NDUFV3: variants seen among roughly 807,000 people sequenced by gnomAD.
NDUFV3 encodes NADH dehydrogenase [ubiquinone] flavoprotein 3, mitochondrial.
A neutral mutation model predicts 37.5 loss-of-function variants in NDUFV3; 44 were observed. That is an observed-to-expected ratio of 1.17 (90% CI 0.92 to 1.51). The LOEUF (loss-of-function observed/expected upper bound fraction) is 1.51, where lower values mean the gene tolerates loss of function less well. Ranked by LOEUF, NDUFV3 falls within the 40% of genes most tolerant of loss-of-function variation. NDUFV3 has a pLI of 0.00. For synonymous variants in NDUFV3, 235 were observed against 239.3 expected, an observed-to-expected ratio of 0.98 and a Z score of 0.17; for missense variants, 580 against 580.4, an observed-to-expected ratio of 1.00 and a Z score of 0.01.
At chr21:42,896,901 TC>T (rs2058693998) in intron 1 of NDUFV3, 25 bp from the exon 2 acceptor site, 1 of 1,603,530 alleles carries the variant, frequency 6.2e-7, no homozygotes, top group Admixed American at 1.7e-5. Context: ...ACTCTAAACA[TC>T]CATATTCATT....
At chr21:42,899,331 G>A (rs899649727) in intron 2 of NDUFV3, among the ~76,000 whole-genome samples, 10 of 93,072 alleles carry the variant, frequency 1.1e-4, no homozygotes, top group Non-Finnish European at 1.7e-4. Context: ...GTGCAATGGC[G>A]TGATCTCAGC....
At chr21:42,893,470 G>A in intron 1 of NDUFV3, 89 bp downstream of exon 1, 1 of 1,442,020 alleles carries the variant, frequency 6.9e-7, no homozygotes, top group Non-Finnish European at 9.4e-7. Context: ...TCAGGTCCGG[G>A]CCTGTCCGCG....
intron 3 of NDUFV3, 25 bp downstream of exon 3, chr21:42,904,301 G>A: frequency 6.4e-7 from 1 of 1,567,874 alleles, no homozygotes; most frequent in Non-Finnish European, 8.6e-7. Flanking sequence ...GCGCTCCCAA[G>A]TGCACCCTGT....
rs1247270149 is a variant in NDUFV3, at chr21:42,894,324, TA to T, written c.48+946del. Among the ~76,000 whole-genome samples, 3 of 63,080 alleles carry T rather than the reference TA, an allele frequency of 4.8e-5. 1 individual carries two copies. The highest frequency in any genetic ancestry group is 9.7e-5 in the African/African-American group (1 of 10,340). The allele number at this position is 63,080 out of a possible 152,430, so 41.4% of individuals were successfully genotyped here. A position where few individuals can be genotyped will look rare whatever the true frequency, so the allele number is the denominator to read the frequency against. ...ATATGCGTGTGTGTATATATATATATAAATACATATTATATATATTATATAT... is the reference window on the plus strand; with the variant it reads ...ATATGCGTGTGTGTATATATATATATAATACATATTATATATATTATATAT... On this transcript the variant is annotated intron_variant, in intron 1 of 3. Transcript: ENST00000354250.
At position 42,904,030 on chromosome 21, in the gene NDUFV3, G is replaced by C. The variant is rs779365752; in HGVS notation, c.1018G>C (p.Glu340Gln). 6.2e-7 allele frequency: 1 copy of C among 1,614,164 alleles called. No homozygotes were observed. The highest frequency in any genetic ancestry group is 1.1e-5 in the South Asian group (1 of 91,090). ...GGGGCATCTGGAAAAACCCGTGCCA[G>C]AGCCCCAGCGCAAGGCGGCCCCTCC... ...AEGHLEKPVP[E>Q]PQRKAAPPLP... Residue 340 changes from glutamate (E) to glutamine (Q), a missense_variant, in exon 3 of 4, where the codon GAG (glutamate) becomes CAG (glutamine). Glu to Gln is a conservative substitution (Grantham distance 29). Transcript: ENST00000354250.
chr21:42,904,176 C>A lies in NDUFV3; in HGVS notation c.1164C>A (p.Asn388Lys). 1 of 1,614,194 alleles carries A rather than the reference C, an allele frequency of 6.2e-7. No individual in the cohort carries two copies. The highest frequency in any genetic ancestry group is 8.5e-7 in the Non-Finnish European group (1 of 1,180,028). ...TGGAGACAGTTCCTGTTGAGAATAA[C>A]CACGGTTTCCATGAAAAGACAGCAG... ...SNLETVPVEN[N>K]HGFHEKTAAL... Residue 388 changes from asparagine (N) to lysine (K), a missense_variant, in exon 3 of 4, where the codon AAC becomes AAA. By Grantham distance (94) the Asn-to-Lys change is moderately conservative. Transcript: ENST00000354250.
intron 1 of NDUFV3, among the ~76,000 whole-genome samples, chr21:42,894,156 A>T (rs2058670785): frequency 1.3e-5 from 2 of 148,852 alleles, no homozygotes. Flanking sequence ...CGGAGGTTGC[A>T]GTGAGCCGAG....
chr21:42,897,164 C>A, intron 2 of NDUFV3, 117 bp downstream of exon 2: 1 of 1,149,490 alleles, frequency 8.7e-7, no homozygotes, highest in Non-Finnish European at 1.3e-6. Flanking sequence ...TCTTCCTTTT[C>A]AGCAGTGTCC....
At chr21:42,904,399 C>A in intron 3 of NDUFV3, 123 bp downstream of exon 3, 2 of 1,326,478 alleles carry the variant, frequency 1.5e-6, no homozygotes, top group Non-Finnish European at 2.1e-6. Context: ...AGAAATATGG[C>A]CTGTAACGCT....
At position 42,894,402 on chromosome 21, in the gene NDUFV3, TTATA is replaced by T. The variant is rs1555848127; in HGVS notation, c.48+1024_48+1027del. ...TAATATGTAAATATATATTATATAT[TTATA>T]TAATATATAATATATTATATAAATA... On this transcript the variant is annotated intron_variant, in intron 1 of 3. Transcript: ENST00000354250. 8.6e-4 allele frequency among the ~76,000 whole-genome samples: 14 copies of T among 16,340 alleles called. 1 individual carries two copies. The highest frequency in any genetic ancestry group is 6.7e-3 in the East Asian group (12 of 1,790). The allele number at this position is 16,340 out of a possible 152,430, so 10.7% of individuals were successfully genotyped here.
chr21:42,906,478 TC>T (rs1266477091), intron 3 of NDUFV3, among the ~76,000 whole-genome samples: 1 of 152,128 alleles, frequency 6.6e-6, no homozygotes, highest in Non-Finnish European at 1.5e-5. Flanking sequence ...TTGCCAGACT[TC>T]CCAGCCCTTA....
chr21:42,893,610 C>T (rs958173325), intron 1 of NDUFV3, among the ~76,000 whole-genome samples: 1 of 152,180 alleles, frequency 6.6e-6, no homozygotes, highest in African/African-American at 2.4e-5. Context: ...GCCGCCGCTG[C>T]CCGAGGCCCA....
intron 1 of NDUFV3, among the ~76,000 whole-genome samples, chr21:42,894,054 A>G (rs894081480): frequency 1.3e-5 from 2 of 151,372 alleles, no homozygotes; most frequent in Non-Finnish European, 2.9e-5. Flanking sequence ...CGTCTCTAAA[A>G]AATACAAAAA....
At position 42,903,601 on chromosome 21, in the gene NDUFV3, A is replaced by G; in HGVS notation, c.589A>G (p.Arg197Gly). Reference sequence around the variant, plus strand: ...AGAGGCCTCTCATTCCTTTGAAAACAGAGCCCCCCGAGTTACAGTATCAGC... The same window carrying G: ...AGAGGCCTCTCATTCCTTTGAAAACGGAGCCCCCCGAGTTACAGTATCAGC... The part of the protein sequence containing the change: ...KPEASHSFEN[R>G]APRVTVSAKE... Residue 197 changes from arginine (R) to glycine (G), a missense_variant, in exon 3 of 4, where the codon AGA (arginine) becomes GGA (glycine). Coordinates refer to ENST00000354250, the MANE Select transcript of NDUFV3 (RefSeq NM_021075.4). 1 of 1,613,984 alleles carries G rather than the reference A, an allele frequency of 6.2e-7. No homozygotes were observed. The highest frequency in any genetic ancestry group is 8.5e-7 in the Non-Finnish European group (1 of 1,180,018).
chr21:42,894,479 ATT>A (rs370695139), intron 1 of NDUFV3, among the ~76,000 whole-genome samples: 1 of 64,276 alleles, frequency 1.6e-5, no homozygotes, highest in Admixed American at 2.1e-4. Context: ...TATATTATAT[ATT>A]TATATATTTA....
At chr21:42,901,116 A>G (rs2058716218) in intron 2 of NDUFV3, among the ~76,000 whole-genome samples, 1 of 152,100 alleles carries the variant, frequency 6.6e-6, no homozygotes, top group African/African-American at 2.4e-5. Flanking sequence ...ATTTCACGTA[A>G]TTTCTATTTA....
In NDUFV3 at chr21:42,894,360, TTATA is replaced by T. The variant is rs1228597836; in HGVS notation, c.48+987_48+990del. ...TATATATATTATATATAAATATATA[TTATA>T]TATATATTTATATAATATGTAAATA... On this transcript the variant is annotated intron_variant, in intron 1 of 3. Transcript: ENST00000354250. Among the ~76,000 whole-genome samples the T allele has an allele frequency of 4.6e-4, 12 of 26,002 alleles. 3 individuals are homozygous for T. Among genetic ancestry groups the T allele is most frequent in the Admixed American group, 6.8e-4 (2 of 2,956 alleles). The allele number at this position is 26,002 out of a possible 152,430, so 17.1% of individuals were successfully genotyped here.
chr21:42,896,987 G>T lies in NDUFV3; in HGVS notation c.109G>T (p.Glu37Ter), dbSNP rs905060817. The change falls in exon 2 of 4, where the codon GAA (glutamate) becomes TAA (stop). Residue 37 changes from glutamate to a stop codon, truncating the protein, a stop_gained. Transcript: ENST00000354250. LOFTEE classifies it high-confidence loss of function. ...TGCTTCTACGGTTTCTTTGTCTGCG[G>T]AATCAGGGAAGAGTGAAAAGGGTCA... is the stretch of plus-strand genomic sequence containing the variant. The part of the protein sequence containing the change: ...GLASTVSLSA[E>*]SGKSEKGQPQ... 16 of 1,613,984 alleles carry T rather than the reference G, an allele frequency of 9.9e-6. No homozygotes were observed. Among genetic ancestry groups the T allele is most frequent in the Admixed American group, 5.0e-5 (3 of 59,964 alleles).
At chr21:42,901,422 A>G (rs1360949229) in intron 2 of NDUFV3, among the ~76,000 whole-genome samples, 1 of 151,640 alleles carries the variant, frequency 6.6e-6, no homozygotes, top group Non-Finnish European at 1.5e-5. Context: ...AGCCTGACCC[A>G]AAAGAGTGAA....
Sources: gnomAD v4.1 joint callset for allele counts (sites outside exome capture counted in the v4.1 genomes callset) on GRCh38, gnomAD v4.1.1 for gene constraint, MANE v1.5 for transcripts, NCBI Gene and HGNC (gene_info 2026-07-23, HGNC 2026-07-21) for gene names.